The following FAF1 variants were observed in gnomAD, a reference collection of about 807,000 sequenced individuals.
FAF1 encodes FAS-associated factor 1.
FAF1 carries 25 observed loss-of-function variants against 92.5 expected under a neutral mutation model. The observed-to-expected ratio is 0.27, with a 90% confidence interval of 0.20 to 0.38. The LOEUF is 0.38. FAF1 is among the 10% of genes least tolerant of loss of function. The pLI, the probability that FAF1 is intolerant of heterozygous loss-of-function variation, is 1.00. For synonymous variants in FAF1, 234 were observed against 273.2 expected, an observed-to-expected ratio of 0.86 and a Z score of 1.42; for missense variants, 636 against 793.3, an observed-to-expected ratio of 0.80 and a Z score of 2.38.
chr1:50,582,555 T>G, intron 12 of FAF1, 63 bp downstream of exon 12: 1 of 1,022,036 alleles, frequency 9.8e-7, no homozygotes, highest in Admixed American at 2.0e-5. Context: ...AAGCATTGCC[T>G]CAGCCCTAGT....
intron 3 of FAF1, among the ~76,000 whole-genome samples, chr1:50,797,140 A>G (rs913002140): frequency 6.6e-6 from 1 of 152,140 alleles, no homozygotes; most frequent in Non-Finnish European, 1.5e-5. Context: ...CATCTCAAAA[A>G]AAGGCAATCC....
intron 4 of FAF1, among the ~76,000 whole-genome samples, chr1:50,776,503 A>T (rs1443577034): frequency 1.3e-5 from 2 of 152,138 alleles, no homozygotes; most frequent in Non-Finnish European, 2.9e-5. Flanking sequence ...TCTGATCACC[A>T]CACTCGAAAT....
At chr1:50,903,948 T>C (rs1200893447) in intron 1 of FAF1, among the ~76,000 whole-genome samples, 1 of 152,184 alleles carries the variant, frequency 6.6e-6, no homozygotes, top group Non-Finnish European at 1.5e-5. Context: ...ATAAAACTTC[T>C]ACATAAGTAT....
At chr1:50,480,711 C>A (rs115288858) in intron 17 of FAF1, among the ~76,000 whole-genome samples, 1 of 152,130 alleles carries the variant, frequency 6.6e-6, no homozygotes, top group Admixed American at 6.6e-5. Context: ...AAGATTATAA[C>A]GGAGCTGAAA....
intron 18 of FAF1, among the ~76,000 whole-genome samples, chr1:50,464,236 G>A (rs867275851): frequency 1.3e-5 from 2 of 152,040 alleles, no homozygotes; most frequent in African/African-American, 2.4e-5. Context: ...TGAACTCCTG[G>A]GCCCAAGCGA....
intron 18 of FAF1, among the ~76,000 whole-genome samples, chr1:50,471,870 A>C (rs1646577052): frequency 6.6e-6 from 1 of 152,198 alleles, no homozygotes; most frequent in Non-Finnish European, 1.5e-5. Context: ...GTAGGCAGAA[A>C]GAAGAGTTGT....
chr1:50,562,286 T>C (rs530052750), intron 13 of FAF1, among the ~76,000 whole-genome samples: 2 of 152,348 alleles, frequency 1.3e-5, no homozygotes, highest in East Asian at 1.9e-4. Context: ...GGATGAATCA[T>C]TAACAAAACA....
chr1:50,495,698 G>A (rs1407449323), intron 15 of FAF1, among the ~76,000 whole-genome samples: 17 of 152,100 alleles, frequency 1.1e-4, no homozygotes. Flanking sequence ...TGTTCTCCAT[G>A]GTGATTGTAC....
chr1:50,959,546 A>G, intron 1 of FAF1: 1 of 346,602 alleles, frequency 2.9e-6, no homozygotes, highest in South Asian at 7.1e-5. Context: ...AATACCTCCA[A>G]TCCCATTCAA....
intron 15 of FAF1, among the ~76,000 whole-genome samples, chr1:50,508,927 C>T (rs1647095823): frequency 6.6e-6 from 1 of 152,210 alleles, no homozygotes; most frequent in Admixed American, 6.5e-5. Context: ...TGGTCTCGAA[C>T]TCCTGACCTC....
intron 2 of FAF1, among the ~76,000 whole-genome samples, chr1:50,843,102 T>A (rs1038730284): frequency 2.6e-5 from 4 of 152,204 alleles, no homozygotes; most frequent in African/African-American, 9.6e-5. Flanking sequence ...AGAGATGTTA[T>A]CGAATGCCAA....
intron 1 of FAF1, among the ~76,000 whole-genome samples, chr1:50,888,756 T>A (rs1403545806): frequency 6.6e-6 from 1 of 152,186 alleles, no homozygotes; most frequent in Non-Finnish European, 1.5e-5. Context: ...TGCTGCTGGA[T>A]TTGGTTTGCC....
intron 18 of FAF1, among the ~76,000 whole-genome samples, chr1:50,459,712 T>C (rs1009924711): frequency 6.6e-6 from 1 of 152,196 alleles, no homozygotes; most frequent in Non-Finnish European, 1.5e-5. Context: ...TAGTCATATC[T>C]GGTCTCCCTT....
chr1:50,541,665 C>A (rs1421564728), intron 13 of FAF1, among the ~76,000 whole-genome samples: 2 of 151,680 alleles, frequency 1.3e-5, no homozygotes, highest in African/African-American at 4.8e-5. Flanking sequence ...GCAGATATAA[C>A]AAATTATCTG....
At chr1:50,637,785 C>T (rs750064777) in intron 8 of FAF1, among the ~76,000 whole-genome samples, 57 of 147,698 alleles carry the variant, frequency 3.9e-4, no homozygotes, top group Non-Finnish European at 6.6e-4. Flanking sequence ...CCATTTTTTC[C>T]CTCTTATAAG....
intron 2 of FAF1, among the ~76,000 whole-genome samples, chr1:50,812,590 A>G (rs1291377293): frequency 6.6e-6 from 1 of 152,188 alleles, no homozygotes; most frequent in Non-Finnish European, 1.5e-5. Flanking sequence ...CTGGTGAGGT[A>G]GCAGAGAAAA....
At chr1:50,840,425 T>A (rs1179868815) in intron 2 of FAF1, among the ~76,000 whole-genome samples, 1 of 151,570 alleles carries the variant, frequency 6.6e-6, no homozygotes, top group African/African-American at 2.4e-5. Context: ...AATCCAAATA[T>A]AATGCACAAA....
intron 2 of FAF1, among the ~76,000 whole-genome samples, chr1:50,812,896 A>C (rs1278646725): frequency 1.3e-5 from 2 of 152,218 alleles, no homozygotes; most frequent in African/African-American, 4.8e-5. Flanking sequence ...CAGCCATAAA[A>C]ATGAGCAACA....
intron 1 of FAF1, among the ~76,000 whole-genome samples, chr1:50,908,206 T>A (rs1279880280): frequency 6.6e-6 from 1 of 152,228 alleles, no homozygotes; most frequent in African/African-American, 2.4e-5. Context: ...TAATCCTGAG[T>A]TCTAGTTTGA....
Sources: allele counts gnomAD v4.1 joint callset (sites outside exome capture counted in the v4.1 genomes callset), GRCh38; gene constraint gnomAD v4.1.1; transcripts MANE v1.5; gene names NCBI Gene and HGNC (gene_info 2026-07-23, HGNC 2026-07-21).